MRPS23: variants seen among roughly 807,000 people sequenced by gnomAD.
The protein encoded by MRPS23 is small ribosomal subunit protein mS23.
Under a neutral mutation model 19.8 loss-of-function variants are expected in MRPS23, and 14 were observed. That is an observed-to-expected ratio of 0.71 (90% CI 0.47 to 1.11). The LOEUF is 1.11. Ranked by LOEUF, MRPS23 falls within the 50% of genes least tolerant of loss-of-function variation. The pLI is 0.00. For synonymous variants in MRPS23, 113 were observed against 89.7 expected (o/e 1.26, Z -1.47); for missense variants, 242 against 236.7 (o/e 1.02, Z -0.15).
intron 1 of MRPS23, 69 bp from the exon 2 acceptor site, chr17:57,849,479 C>G: frequency 6.4e-7 from 1 of 1,564,428 alleles, no homozygotes; most frequent in Non-Finnish European, 8.7e-7. Flanking sequence ...ATCAGTCTAG[C>G]ACAGTTTGGG....
At chr17:57,847,437 C>T (rs894365991) in intron 2 of MRPS23, among the ~76,000 whole-genome samples, 2 of 151,888 alleles carry the variant, frequency 1.3e-5, no homozygotes, top group Non-Finnish European at 2.9e-5. Context: ...CCGAGGCAGG[C>T]GGATCACGAG....
chr17:57,846,600 A>G (rs1418213803), intron 2 of MRPS23, among the ~76,000 whole-genome samples: 4 of 152,146 alleles, frequency 2.6e-5, no homozygotes, highest in African/African-American at 9.7e-5. Context: ...GGATGCTGTT[A>G]ATCTATAACC....
rs1479758552 is a variant in MRPS23, at chr17:57,838,442, A to C, written c.*1341T>G. ...GGCAAAAAAAACCTGCCCTTAAAAA[A>C]CCAGAAACCTAAGGTTTAAAGAGAT... is the stretch of plus-strand genomic sequence containing the variant. On this transcript the variant is annotated 3_prime_UTR_variant, in exon 5 of 5. Coordinates refer to ENST00000313608, the MANE Select transcript of MRPS23 (RefSeq NM_016070.4). 3 of 152,100 alleles carry C rather than the reference A, an allele frequency of 2.0e-5. No homozygotes were observed. Among genetic ancestry groups the C allele is most frequent in the Non-Finnish European group, 4.4e-5 (3 of 68,014 alleles). The allele number at this position is 152,100 out of a possible 1,614,324, so 9.4% of individuals were successfully genotyped here. A position where few individuals can be genotyped will look rare whatever the true frequency, so the allele number is the denominator to read the frequency against.
intron 2 of MRPS23, among the ~76,000 whole-genome samples, chr17:57,846,576 A>C (rs535366832): frequency 0.011 from 1,746 of 152,314 alleles, 32 homozygotes; most frequent in African/African-American, 0.041. Flanking sequence ...ACTAAGAAAA[A>C]TTCTTCTGCC....
At chr17:57,844,496 A>C (rs760746885) in intron 2 of MRPS23, among the ~76,000 whole-genome samples, 7 of 151,910 alleles carry the variant, frequency 4.6e-5, no homozygotes, top group Non-Finnish European at 1.0e-4. Context: ...ATGGTGGCTC[A>C]TGCCTGTAAT....
In MRPS23 at chr17:57,837,398, A is replaced by T. The variant is rs1336501811; in HGVS notation, c.*2385T>A. On this transcript the variant is annotated 3_prime_UTR_variant, in exon 5 of 5. Transcript: ENST00000313608. ...GCCCATTTGCAACACAGTAAAACAA[A>T]GAACATTTTCTTCAATCGGGCACTG... is the stretch of plus-strand genomic sequence containing the variant. 1 of 152,270 alleles carries T rather than the reference A, an allele frequency of 6.6e-6. No individual in the cohort carries two copies. The highest frequency in any genetic ancestry group is 2.4e-5 in the African/African-American group (1 of 41,458). The allele number at this position is 152,270 out of a possible 1,614,324, so 9.4% of individuals were successfully genotyped here. A position where few individuals can be genotyped will look rare whatever the true frequency, so the allele number is the denominator to read the frequency against.
chr17:57,837,986 AT>A lies in MRPS23; in HGVS notation c.*1796del, dbSNP rs1229662971. ...TGAGACCCCCATCTCCTAAAACAAA[AT>A]TAAAAAAAAAAAAAATTAAGGCCAG... is the stretch of plus-strand genomic sequence containing the variant. On this transcript the variant is annotated 3_prime_UTR_variant, in exon 5 of 5. Transcript: ENST00000313608. The A allele has an allele frequency of 2.8e-5, 4 of 140,834 alleles. No individual in the cohort carries two copies. The highest frequency in any genetic ancestry group is 2.8e-4 in the Admixed American group (4 of 14,282). 8.7% of individuals were successfully genotyped at this position (140,834 alleles called of 1,614,324 possible). A position where few individuals can be genotyped will look rare whatever the true frequency, so the allele number is the denominator to read the frequency against.
At chr17:57,849,440 CA>C in intron 1 of MRPS23, 30 bp from the exon 2 acceptor site, 2 of 1,607,456 alleles carry the variant, frequency 1.2e-6, no homozygotes, top group Non-Finnish European at 1.7e-6. Flanking sequence ...GAAACTGGGT[CA>C]CTTGCAGTAG....
chr17:57,847,804 C>A (rs183455520), intron 2 of MRPS23, among the ~76,000 whole-genome samples: 62 of 151,248 alleles, frequency 4.1e-4, no homozygotes, highest in Middle Eastern at 3.4e-3. Context: ...TCAAGCGATT[C>A]TCCCACCTCA....
In MRPS23 at chr17:57,841,257, C is replaced by T. The variant is rs376059917; in HGVS notation, c.219G>A (p.Lys73=). The T allele has an allele frequency of 2.9e-5, 47 of 1,613,218 alleles. 1 individual carries two copies. The Middle Eastern group carries it at 6.7e-4, about 23-fold the overall frequency. ...IWYHEDRIRA[K]FYSVYGSGQR... is the part of the protein sequence containing the mutation. ...GACCAGACCCATACACTGAATAAAA[C>T]TTCCTAGAAAATGCAAACAACATAA... The change falls in exon 3 of 5, where the codon AAG becomes AAA. Residue 73 remains lysine (K), a synonymous_variant. Coordinates refer to ENST00000313608, the MANE Select transcript of MRPS23 (RefSeq NM_016070.4).
At chr17:57,847,858 G>A (rs1041890759) in intron 2 of MRPS23, among the ~76,000 whole-genome samples, 1 of 151,634 alleles carries the variant, frequency 6.6e-6, no homozygotes, top group African/African-American at 2.4e-5. Context: ...CACCAAGCCC[G>A]GCTAATTTTT....
chr17:57,849,348 T>A lies in MRPS23; in HGVS notation c.107A>T (p.Asp36Val), dbSNP rs1328909557. Residue 36 changes from aspartate to valine, a missense_variant, in exon 2 of 5, where the codon GAC (aspartate) becomes GTC (valine). Physicochemically the swap from Asp to Val is radical, Grantham distance 152. Transcript: ENST00000313608. ...GGGCTCCCTCAGCGGGGGAAAGGCG[T>A]CATATACGTCAAACCACAGGGGCTT... ...KEKPLWFDVY[D>V]AFPPLREPVF... 6.2e-7 allele frequency: 1 copy of A among 1,614,136 alleles called. No homozygotes were observed. The highest frequency in any genetic ancestry group is 8.5e-7 in the Non-Finnish European group (1 of 1,180,018).
chr17:57,846,560 T>C (rs1232184540), intron 2 of MRPS23, among the ~76,000 whole-genome samples: 5 of 152,324 alleles, frequency 3.3e-5, no homozygotes, highest in Non-Finnish European at 5.9e-5. Context: ...CTCCATTTTG[T>C]TCTGTACTAA....
rs2073719545 is a variant in MRPS23 at position 57,838,315 on chromosome 17, A to AAAAAAAAAAAAC, written c.*1467_*1468insGTTTTTTTTTTT. 6.9e-6 allele frequency: 1 copy of AAAAAAAAAAAAC among 144,618 alleles called. No individual in the cohort carries two copies. The highest frequency in any genetic ancestry group is 2.6e-5 in the African/African-American group (1 of 38,208). 9.0% of individuals were successfully genotyped at this position (144,618 alleles called of 1,614,324 possible). A position where few individuals can be genotyped will look rare whatever the true frequency, so the allele number is the denominator to read the frequency against. On this transcript the variant is annotated 3_prime_UTR_variant, in exon 5 of 5. Coordinates refer to ENST00000313608, the MANE Select transcript of MRPS23 (RefSeq NM_016070.4). ...AAAAAAAAAAAAAAAAAAAAAAAAAAAATTAAAAATCTACAGAGGAGGAAA... is the reference window on the plus strand; with the variant it reads ...AAAAAAAAAAAAAAAAAAAAAAAAAAAAAAAAAAAAACAATTAAAAATCTACAGAGGAGGAAA...
rs562432858 is a variant in MRPS23 at position 57,836,058 on chromosome 17, G to A, written c.*3725C>T. On this transcript the variant is annotated 3_prime_UTR_variant, in exon 5 of 5. Coordinates refer to ENST00000313608, the MANE Select transcript of MRPS23 (RefSeq NM_016070.4). Reference sequence around the variant, plus strand: ...TAACCTCCACCTCCTGGGTTCAAGCGATTCTCCTGCCTCAGCCTGCCGAGT... The same window carrying A: ...TAACCTCCACCTCCTGGGTTCAAGCAATTCTCCTGCCTCAGCCTGCCGAGT... 6.6e-6 allele frequency: 1 copy of A among 151,016 alleles called. No homozygotes were observed. Among genetic ancestry groups the A allele is most frequent in the African/African-American group, 2.4e-5 (1 of 41,034 alleles). The allele number at this position is 151,016 out of a possible 1,614,324, so 9.4% of individuals were successfully genotyped here. A position where few individuals can be genotyped will look rare whatever the true frequency, so the allele number is the denominator to read the frequency against.
rs748816385 is a variant in MRPS23, at chr17:57,837,315, G to A, written c.*2468C>T. The A allele has an allele frequency of 1.1e-4, 17 of 152,154 alleles. No individual in the cohort carries two copies. The highest frequency in any genetic ancestry group is 2.2e-4 in the African/African-American group (9 of 41,422). 9.4% of individuals were successfully genotyped at this position (152,154 alleles called of 1,614,324 possible). A position where few individuals can be genotyped will look rare whatever the true frequency, so the allele number is the denominator to read the frequency against. ...ATAGTTAAGCACAATTTCTATGGAC[G>A]AAGATATCAAAACTCAAAATGATCT... On this transcript the variant is annotated 3_prime_UTR_variant, in exon 5 of 5. Transcript: ENST00000313608.
intron 4 of MRPS23, 69 bp from the exon 5 acceptor site, chr17:57,840,004 A>C (rs2073731001): frequency 6.4e-7 from 1 of 1,565,366 alleles, no homozygotes; most frequent in African/African-American, 1.4e-5. Context: ...CTAAAGATAT[A>C]TAACTAGGCA....
At chr17:57,841,389 T>C (rs2073739029) in intron 2 of MRPS23, 129 bp from the exon 3 acceptor site, 1 of 889,862 alleles carries the variant, frequency 1.1e-6, no homozygotes, top group African/African-American at 1.7e-5. Context: ...TAGCCTAAGC[T>C]GAACAGTTTT....
At chr17:57,844,208 T>C (rs2073758095) in intron 2 of MRPS23, among the ~76,000 whole-genome samples, 1 of 151,026 alleles carries the variant, frequency 6.6e-6, no homozygotes, top group East Asian at 1.9e-4. Flanking sequence ...GATACAATCA[T>C]AGTGTACTAC....
Sources: gnomAD v4.1 joint callset for allele counts (sites outside exome capture counted in the v4.1 genomes callset) on GRCh38, gnomAD v4.1.1 for gene constraint, MANE v1.5 for transcripts, NCBI Gene and HGNC (gene_info 2026-07-23, HGNC 2026-07-21) for gene names.